Variants in KRIT1 observed in about 807,000 individuals in gnomAD.
KRIT1 encodes the protein KRIT1 ankyrin repeat containing.
In KRIT1, 45 loss-of-function variants were observed where a neutral mutation model predicts 95.8. The observed-to-expected ratio is 0.47, with a 90% CI of 0.37 to 0.60. The LOEUF is 0.60. KRIT1 is among the 20% of genes least tolerant of loss of function. The pLI is 0.00. For missense variants in KRIT1, 788 were observed against 877.5 expected, an observed-to-expected ratio of 0.90 and a Z score of 1.29; for synonymous variants, 282 against 278.8, an observed-to-expected ratio of 1.01 and a Z score of -0.11.
rs371882305 is a variant in KRIT1 at position 92,235,291 on chromosome 7, T to C, written c.729+112A>G. ...CTGGGATTACAGGCGTGAGCCACTG[T>C]ACCAGGCCTTCATGTTTATAATTAG... On this transcript the variant is annotated intron_variant, in intron 8 of 18. Transcript: ENST00000394505. The C allele has an allele frequency of 6.5e-4, 721 of 1,105,352 alleles. 5 individuals carry two copies. The African/African-American group carries it at 9.2e-3, about 14-fold the overall frequency. The allele number at this position is 1,105,352 out of a possible 1,614,324, so 68.5% of individuals were successfully genotyped here. A position where few individuals can be genotyped will look rare whatever the true frequency, so the allele number is the denominator to read the frequency against.
At chr7:92,230,445 T>C (rs1398451342) in intron 10 of KRIT1, among the ~76,000 whole-genome samples, 1 of 152,098 alleles carries the variant, frequency 6.6e-6, no homozygotes, top group African/African-American at 2.4e-5. Context: ...GTTCTTAAAA[T>C]GAAAAGTAGT....
At chr7:92,238,545 C>A (rs767248345) in intron 5 of KRIT1, among the ~76,000 whole-genome samples, 1 of 152,152 alleles carries the variant, frequency 6.6e-6, no homozygotes, top group Admixed American at 6.5e-5. Flanking sequence ...AATTATTTTA[C>A]AAAATGAACA....
chr7:92,224,548 T>C (rs1193339331), intron 12 of KRIT1, among the ~76,000 whole-genome samples: 2 of 152,210 alleles, frequency 1.3e-5, no homozygotes, highest in Admixed American at 6.5e-5. Context: ...CTTCTCATTG[T>C]TAATTCTTCT....
At position 92,212,719 on chromosome 7, in the gene KRIT1, G is replaced by A. The variant is rs1279439220; in HGVS notation, c.2025+476C>T. 2.6e-5 allele frequency among the ~76,000 whole-genome samples: 4 copies of A among 152,100 alleles called. No individual in the cohort carries two copies. In the East Asian group the frequency reaches 7.7e-4, roughly 29 times the overall value. The stretch of plus-strand genomic sequence containing the variant: ...GTTCATTAGCCAATCAGTCTATAGG[G>A]CTTTGTTATAGTGGCCTGAACTAGA... On this transcript the variant is annotated intron_variant, in intron 17 of 18. Coordinates refer to ENST00000394505, the MANE Select transcript of KRIT1 (RefSeq NM_194454.3).
At position 92,241,119 on chromosome 7, in the gene KRIT1, T is replaced by C. The variant is rs138431665; in HGVS notation, c.136A>G (p.Lys46Glu). Residue 46 changes from lysine to glutamate, a missense_variant, in exon 5 of 19, where the codon AAA (lysine) becomes GAA (glutamate). Transcript: ENST00000394505. Reference protein sequence around the residue: ...LLHEVPIEGQKKKRKKVLLET... With the variant: ...LLHEVPIEGQEKKRKKVLLET... ...AATAAAACTTTCTTTCTCTTTTTTT[T>C]CTGTCCTTCAATGGGAACTTCATGC... The C allele has an allele frequency of 6.8e-6, 11 of 1,611,338 alleles. No individual in the cohort carries two copies. The highest frequency in any genetic ancestry group is 9.3e-6 in the Non-Finnish European group (11 of 1,177,678).
At chr7:92,229,241 G>C (rs903071642) in intron 10 of KRIT1, among the ~76,000 whole-genome samples, 1 of 152,066 alleles carries the variant, frequency 6.6e-6, no homozygotes, top group African/African-American at 2.4e-5. Context: ...CTGCAACCTT[G>C]CCAGTATCTG....
chr7:92,216,322 CTA>C (rs1288685961), intron 14 of KRIT1, among the ~76,000 whole-genome samples: 8 of 148,384 alleles, frequency 5.4e-5, no homozygotes, highest in African/African-American at 9.8e-5. Flanking sequence ...TAATAATACT[CTA>C]TTTAAAATTA....
At chr7:92,237,278 A>G (rs1798626782) in intron 6 of KRIT1, among the ~76,000 whole-genome samples, 1 of 152,158 alleles carries the variant, frequency 6.6e-6, no homozygotes, top group Non-Finnish European at 1.5e-5. Flanking sequence ...ACTATTATTG[A>G]TTCTTGTCCC....
At chr7:92,226,708 A>G (rs760172132) in intron 10 of KRIT1, 26 bp from the exon 11 acceptor site, 1 of 1,607,208 alleles carries the variant, frequency 6.2e-7, no homozygotes, top group Non-Finnish European at 8.5e-7. Context: ...AACAAACAAA[A>G]AACAACAACA....
At chr7:92,241,957 T>C (rs1799755590) in intron 4 of KRIT1, 77 bp downstream of exon 4, 7 of 844,364 alleles carry the variant, frequency 8.3e-6, no homozygotes, top group Non-Finnish European at 1.2e-5. Context: ...TTACAAGATA[T>C]AATAAGGCTT....
At chr7:92,242,210 T>C in intron 3 of KRIT1, 73 bp from the exon 4 acceptor site, 2 of 855,050 alleles carry the variant, frequency 2.3e-6, no homozygotes, top group Admixed American at 1.8e-5. Flanking sequence ...AAAAAAGTAA[T>C]GCATCTTAAA....
At chr7:92,231,063 A>G (rs561321931) in intron 10 of KRIT1, among the ~76,000 whole-genome samples, 103 of 152,328 alleles carry the variant, frequency 6.8e-4, no homozygotes, top group Non-Finnish European at 1.3e-3. Context: ...CTGAAGTCTG[A>G]AAGTACTATC....
chr7:92,215,058 C>T (rs1041432884), intron 14 of KRIT1, among the ~76,000 whole-genome samples: 1 of 152,020 alleles, frequency 6.6e-6, no homozygotes, highest in African/African-American at 2.4e-5. Context: ...TCTAATAACA[C>T]TTTATGTAGG....
Position 92,221,448 on chromosome 7 carries a change from G to A in KRIT1, c.1563+454C>T, listed in dbSNP as rs534972900. Among the ~76,000 whole-genome samples the A allele has an allele frequency of 2.4e-3, 366 of 152,056 alleles. 2 individuals are homozygous for A. The highest frequency in any genetic ancestry group is 8.2e-3 in the African/African-American group (342 of 41,474). ...GACTCAGTCTCAAAAAAAAAAAGAT[G>A]AGCCACTTATGGACTGTTGAGAATG... On this transcript the variant is annotated intron_variant, in intron 14 of 18. Coordinates refer to ENST00000394505, the MANE Select transcript of KRIT1 (RefSeq NM_194454.3).
At chr7:92,217,654 T>C (rs1794270090) in intron 14 of KRIT1, among the ~76,000 whole-genome samples, 1 of 152,232 alleles carries the variant, frequency 6.6e-6, no homozygotes, top group African/African-American at 2.4e-5. Flanking sequence ...CACATTTTGT[T>C]TGTCCACTCA....
intron 10 of KRIT1, among the ~76,000 whole-genome samples, chr7:92,231,712 G>A (rs560328107): frequency 9.2e-5 from 14 of 152,088 alleles, no homozygotes; most frequent in African/African-American, 2.4e-4. Flanking sequence ...TTGAATTCAC[G>A]TCAATTAAAT....
chr7:92,243,152 C>CTGTG (rs151222836), intron 3 of KRIT1, among the ~76,000 whole-genome samples: 2 of 151,500 alleles, frequency 1.3e-5, no homozygotes, highest in Admixed American at 1.3e-4. Flanking sequence ...AATATATTCA[C>CTGTG]TGTGTGTGTG....
chr7:92,222,763 C>T (rs970239521), intron 13 of KRIT1, 59 bp downstream of exon 13: 1 of 1,017,676 alleles, frequency 9.8e-7, no homozygotes, highest in Non-Finnish European at 1.6e-6. Context: ...TATTTTCTAC[C>T]AACCCACTCC....
chr7:92,201,672 C>T, intron 17 of KRIT1: 4 of 401,702 alleles, frequency 1.0e-5, no homozygotes, highest in South Asian at 7.2e-5. Flanking sequence ...TCTCCTAATG[C>T]TATCCCTCCC....
Sources: gnomAD v4.1 joint callset for allele counts (sites outside exome capture counted in the v4.1 genomes callset) on GRCh38, gnomAD v4.1.1 for gene constraint, MANE v1.5 for transcripts, NCBI Gene and HGNC (gene_info 2026-07-23, HGNC 2026-07-21) for gene names.